The following ARFGEF2 variants were observed in gnomAD, a reference collection of about 807,000 sequenced individuals.
The protein encoded by ARFGEF2 is brefeldin A-inhibited guanine nucleotide-exchange protein 2.
ARFGEF2 carries 74 observed loss-of-function variants against 219.9 expected under a neutral mutation model. That is an observed-to-expected ratio of 0.34 (90% confidence interval 0.28 to 0.41). The LOEUF (loss-of-function observed/expected upper bound fraction) is 0.41, where lower values mean the gene tolerates loss of function less well. ARFGEF2 is among the 10% of genes least tolerant of loss of function. The pLI is 1.00. For synonymous variants in ARFGEF2, 733 were observed against 799.2 expected (o/e 0.92, Z 1.40); for missense variants, 1,743 against 2,218.3 (o/e 0.79, Z 4.30).
intron 26 of ARFGEF2, among the ~76,000 whole-genome samples, chr20:49,007,433 G>A (rs1442256749): frequency 6.6e-6 from 1 of 151,848 alleles, no homozygotes; most frequent in Non-Finnish European, 1.5e-5. Flanking sequence ...GGGATTACAG[G>A]CATGCACCAC....
At chr20:48,928,811 A>T (rs1003556877) in intron 1 of ARFGEF2, among the ~76,000 whole-genome samples, 1 of 152,238 alleles carries the variant, frequency 6.6e-6, no homozygotes, top group Non-Finnish European at 1.5e-5. Context: ...CAGTCTTTAA[A>T]GGAAAAGGAA....
At chr20:48,980,794 A>G (rs1394299782) in intron 14 of ARFGEF2, among the ~76,000 whole-genome samples, 1 of 152,142 alleles carries the variant, frequency 6.6e-6, no homozygotes, top group African/African-American at 2.4e-5. Flanking sequence ...ATCAGAGACT[A>G]GGATTGCAAC....
At chr20:49,011,831 A>ATATG in intron 27 of ARFGEF2, 93 bp from the exon 28 acceptor site, 3 of 1,112,746 alleles carry the variant, frequency 2.7e-6, no homozygotes, top group East Asian at 2.6e-5. Context: ...TCTCTGATGT[A>ATATG]TGTGTGTGTG....
intron 15 of ARFGEF2, 59 bp from the exon 16 acceptor site, chr20:48,985,349 C>T: frequency 6.3e-7 from 1 of 1,581,394 alleles, no homozygotes; most frequent in Non-Finnish European, 8.7e-7. Context: ...TGGCTGCTGG[C>T]TTTTGCTGAG....
Position 48,971,159 on chromosome 20 carries a change from G to A in ARFGEF2, c.1230G>A (p.Leu410=). 1.2e-6 allele frequency: 2 copies of A among 1,614,096 alleles called. No individual in the cohort carries two copies. The change falls in exon 10 of 39, where the codon CTG becomes CTA. Residue 410 remains leucine, a synonymous_variant. Transcript: ENST00000371917. The stretch of plus-strand genomic sequence containing the variant: ...GTTCCAAGGTGGTTTCCCTGCAGCT[G>A]CTCCTCTCTGTGTTGCAAAATGCTG... The part of the protein sequence containing the change: ...ELRSKVVSLQ[L]LLSVLQNAGP...
chr20:48,944,402 C>A (rs914372152), intron 3 of ARFGEF2, among the ~76,000 whole-genome samples: 1 of 152,100 alleles, frequency 6.6e-6, no homozygotes, highest in African/African-American at 2.4e-5. Context: ...CGTGTGTAGT[C>A]CCCTCGACAG....
At chr20:48,934,441 C>T (rs2090933906) in intron 1 of ARFGEF2, among the ~76,000 whole-genome samples, 1 of 152,150 alleles carries the variant, frequency 6.6e-6, no homozygotes, top group Non-Finnish European at 1.5e-5. Context: ...ACCCATCAAC[C>T]CGTAATCTGG....
intron 10 of ARFGEF2, among the ~76,000 whole-genome samples, chr20:48,971,793 C>T (rs548232892): frequency 5.3e-5 from 8 of 151,786 alleles, no homozygotes; most frequent in South Asian, 4.2e-4. Context: ...CCCAGCTACT[C>T]GGGAGGCTGA....
intron 1 of ARFGEF2, among the ~76,000 whole-genome samples, chr20:48,926,570 C>G (rs1350840747): frequency 3.9e-5 from 6 of 152,056 alleles, no homozygotes; most frequent in African/African-American, 1.4e-4. Flanking sequence ...GTGATCCTCC[C>G]ATTTCAGCCT....
intron 3 of ARFGEF2, among the ~76,000 whole-genome samples, chr20:48,950,803 AAAAAAAAAATATATATATAT>A (rs1241094911): frequency 2.5e-5 from 1 of 39,672 alleles, no homozygotes; most frequent in Non-Finnish European, 5.0e-5. Flanking sequence ...CTAAAAAAAA[AAAAAAAAAATATATATATAT>A]ATATATATAT....
intron 1 of ARFGEF2, among the ~76,000 whole-genome samples, chr20:48,927,593 C>T (rs1262116691): frequency 6.6e-6 from 1 of 151,352 alleles, no homozygotes; most frequent in Non-Finnish European, 1.5e-5. Context: ...GAGGCTGAGG[C>T]AGGAGAATTG....
At chr20:49,005,300 G>A in intron 26 of ARFGEF2, 79 bp downstream of exon 26, 7 of 1,566,592 alleles carry the variant, frequency 4.5e-6, no homozygotes, top group Non-Finnish European at 6.1e-6. Context: ...CTAACCACAT[G>A]ATTAATTTTT....
At chr20:49,015,855 T>C (rs1409575712) in intron 30 of ARFGEF2, among the ~76,000 whole-genome samples, 1 of 152,214 alleles carries the variant, frequency 6.6e-6, no homozygotes, top group African/African-American at 2.4e-5. Flanking sequence ...AGAATTGCCT[T>C]TTATGAATTC....
In ARFGEF2 at chr20:48,953,643, G is replaced by T. The variant is rs974192671; in HGVS notation, c.691G>T (p.Val231Phe). 1 of 1,614,088 alleles carries T rather than the reference G, an allele frequency of 6.2e-7. No homozygotes were observed. ...IQAAAVSPKF[V>F]RLKHSQAQSK... The stretch of plus-strand genomic sequence containing the variant: ...AGCTGCAGCAGTATCCCCAAAGTTC[G>T]TTCGTTTGAAGCACAGTCAGGCACA... The change falls in exon 6 of 39, where the codon GTT (valine) becomes TTT (phenylalanine). Residue 231 changes from valine to phenylalanine, a missense_variant. Physicochemically the swap from Val to Phe is conservative, Grantham distance 50. This residue lies in a region of ARFGEF2 where 394 missense variants were observed against 426.6 expected (regional missense o/e 0.92). Transcript: ENST00000371917.
intron 1 of ARFGEF2, among the ~76,000 whole-genome samples, chr20:48,927,388 C>T (rs953858154): frequency 6.6e-6 from 1 of 152,078 alleles, no homozygotes; most frequent in Non-Finnish European, 1.5e-5. Flanking sequence ...TAAAAAACAT[C>T]TCTAAATTGA....
At chr20:48,975,011 G>C (rs2091252381) in intron 13 of ARFGEF2, 137 bp downstream of exon 13, 2 of 750,866 alleles carry the variant, frequency 2.7e-6, no homozygotes, top group Non-Finnish European at 4.6e-6. Context: ...TATTTTGAAA[G>C]TCCTGCTTTT....
intron 14 of ARFGEF2, among the ~76,000 whole-genome samples, chr20:48,979,006 CTG>C (rs2091279240): frequency 6.6e-6 from 1 of 152,192 alleles, no homozygotes; most frequent in African/African-American, 2.4e-5. Context: ...ACTCCCAACA[CTG>C]TGTTGAATGG....
intron 16 of ARFGEF2, among the ~76,000 whole-genome samples, chr20:48,986,751 G>A (rs771452314): frequency 4.6e-5 from 7 of 152,170 alleles, no homozygotes; most frequent in Non-Finnish European, 1.0e-4. Flanking sequence ...CCAGGTTGAA[G>A]TACAGTGGGG....
chr20:48,951,172 A>T, intron 3 of ARFGEF2, 151 bp from the exon 4 acceptor site: 1 of 864,256 alleles, frequency 1.2e-6, no homozygotes, highest in East Asian at 2.6e-5. Flanking sequence ...CGAAGGTTGC[A>T]GTCACAGAGT....
Sources: allele counts gnomAD v4.1 joint callset (sites outside exome capture counted in the v4.1 genomes callset), GRCh38; gene constraint gnomAD v4.1.1; regional missense constraint gnomAD v4.1.1; transcripts MANE v1.5; gene names NCBI Gene and HGNC (gene_info 2026-07-23, HGNC 2026-07-21).